DHX9: variants seen among roughly 807,000 people sequenced by gnomAD.
The protein encoded by DHX9 is DExH-box helicase 9.
DHX9 carries 27 observed loss-of-function variants against 148.7 expected under a neutral mutation model. The observed-to-expected ratio is 0.18, with a 90% CI of 0.13 to 0.25. The LOEUF is 0.25. Ranked by LOEUF, DHX9 falls within the 10% of genes least tolerant of loss-of-function variation. DHX9 has a pLI of 1.00. For synonymous variants in DHX9, 529 were observed against 516.6 expected (o/e 1.02, Z -0.33); for missense variants, 796 against 1,559.6 (o/e 0.51, Z 8.25).
At chr1:182,866,374 C>T in intron 12 of DHX9, 70 bp from the exon 13 acceptor site, 1 of 1,521,876 alleles carries the variant, frequency 6.6e-7, no homozygotes, top group East Asian at 2.3e-5. Context: ...TACAATAATC[C>T]AAAAATGCTA....
intron 27 of DHX9, 88 bp downstream of exon 27, chr1:182,884,901 C>CT (rs1649255538): frequency 7.9e-7 from 1 of 1,270,080 alleles, no homozygotes; most frequent in Non-Finnish European, 1.1e-6. Context: ...GATAGAAGCC[C>CT]TATTACTTAA....
At chr1:182,840,440 C>T (rs932422574) in intron 1 of DHX9, among the ~76,000 whole-genome samples, 4 of 151,804 alleles carry the variant, frequency 2.6e-5, no homozygotes, top group African/African-American at 7.3e-5. Flanking sequence ...GCTGGGACTA[C>T]AGGCGCGCGC....
intron 1 of DHX9, among the ~76,000 whole-genome samples, chr1:182,842,175 C>T (rs912447075): frequency 2.0e-5 from 3 of 152,082 alleles, no homozygotes; most frequent in African/African-American, 7.2e-5. Flanking sequence ...ATCTGTGTGC[C>T]ATTGTTGTGA....
In DHX9 at chr1:182,887,322, A is replaced by G; in HGVS notation, c.3701A>G (p.Tyr1234Cys). The G allele has an allele frequency of 6.2e-7, 1 of 1,614,130 alleles. No homozygotes were observed. The highest frequency in any genetic ancestry group is 8.5e-7 in the Non-Finnish European group (1 of 1,180,004). ...GGFRGNSGGD[Y>C]RGPSGGYRGS... is the part of the protein sequence containing the mutation. ...TTTAGAGGCAACTCTGGAGGAGACT[A>G]CAGAGGGCCTAGTGGAGGCTACAGA... The change falls in exon 28 of 28, where the codon TAC becomes TGC. Residue 1234 changes from tyrosine (Y) to cysteine (C), a missense_variant. Transcript: ENST00000367549.
chr1:182,877,962 A>T (rs763931187), intron 19 of DHX9, 59 bp from the exon 20 acceptor site: 3 of 1,582,274 alleles, frequency 1.9e-6, no homozygotes, highest in African/African-American at 2.7e-5. Flanking sequence ...CTTAGTGGAT[A>T]TATAATAGTT....
At chr1:182,858,364 A>G in intron 8 of DHX9, 124 bp downstream of exon 8, 9 of 1,206,754 alleles carry the variant, frequency 7.5e-6, no homozygotes, top group South Asian at 1.5e-5. Flanking sequence ...TGGCCCTGCT[A>G]ATCATCTCTG....
chr1:182,866,993 C>T lies in DHX9; in HGVS notation c.1507C>T (p.Arg503Ter), dbSNP rs1648322364. 4 of 1,605,330 alleles carry T rather than the reference C, an allele frequency of 2.5e-6. No individual in the cohort carries two copies. Among genetic ancestry groups the T allele is most frequent in the African/African-American group, 1.3e-5 (1 of 74,426 alleles). Reference sequence around the variant, plus strand: ...CCTGAGAAAATTAGAAGCAGGCATTCGAGGAATCAGTCATGTAATTGTAGA... The same window carrying T: ...CCTGAGAAAATTAGAAGCAGGCATTTGAGGAATCAGTCATGTAATTGTAGA... Reference protein sequence around the residue: ...VLLRKLEAGIRGISHVIVDEI... With the variant: ...VLLRKLEAGI The change falls in exon 14 of 28, where the codon CGA (arginine) becomes TGA (stop). Residue 503 changes from arginine (R) to a stop codon, truncating the protein, a stop_gained. Transcript: ENST00000367549. LOFTEE classifies it high-confidence loss of function.
intron 3 of DHX9, among the ~76,000 whole-genome samples, chr1:182,845,248 G>A (rs575826997): frequency 3.3e-5 from 5 of 152,214 alleles, no homozygotes; most frequent in African/African-American, 1.2e-4. Context: ...TTACATGTTT[G>A]AAGTCTCCCT....
intron 1 of DHX9, among the ~76,000 whole-genome samples, chr1:182,841,008 G>T (rs745559534): frequency 6.6e-6 from 1 of 151,988 alleles, no homozygotes; most frequent in Non-Finnish European, 1.5e-5. Flanking sequence ...AAAGAGAAAC[G>T]ACGGGCGGGC....
chr1:182,880,391 C>A, intron 21 of DHX9, 106 bp from the exon 22 acceptor site: 1 of 652,928 alleles, frequency 1.5e-6, no homozygotes, highest in Non-Finnish European at 2.6e-6. Flanking sequence ...ATTGGCTTGA[C>A]AAAAGAGGAA....
At chr1:182,868,519 C>CTTTTTTT (rs1557974014) in intron 14 of DHX9, among the ~76,000 whole-genome samples, 2 of 118,720 alleles carry the variant, frequency 1.7e-5, no homozygotes, top group Admixed American at 7.7e-5. Context: ...TATTTTAATT[C>CTTTTTTT]CTTTTTTTTT....
intron 1 of DHX9, among the ~76,000 whole-genome samples, chr1:182,840,771 G>T (rs1053001411): frequency 2.0e-5 from 3 of 152,132 alleles, no homozygotes. Context: ...CACATTAAGG[G>T]TTCTACAAGG....
At chr1:182,852,436 G>A in intron 4 of DHX9, 92 bp downstream of exon 4, 1 of 818,560 alleles carries the variant, frequency 1.2e-6, no homozygotes. Flanking sequence ...AGAAAGAACT[G>A]CAGTAAACTC....
At position 182,883,616 on chromosome 1, in the gene DHX9, A is replaced by T; in HGVS notation, c.3241A>T (p.Ile1081Phe). 1 of 1,613,462 alleles carries T rather than the reference A, an allele frequency of 6.2e-7. No individual in the cohort carries two copies. Among genetic ancestry groups the T allele is most frequent in the South Asian group, 1.1e-5 (1 of 91,046 alleles). The part of the protein sequence containing the change: ...ASKKVQSDGQ[I>F]VLVDDWIKLQ... Reference sequence around the variant, plus strand: ...CAAGAAAGTCCAATCTGATGGGCAGATTGTGCTTGTAGATGACTGGTATGG... The same window carrying T: ...CAAGAAAGTCCAATCTGATGGGCAGTTTGTGCTTGTAGATGACTGGTATGG... Residue 1081 changes from isoleucine (I) to phenylalanine (F), a missense_variant, in exon 26 of 28, where the codon ATT becomes TTT. Ile to Phe is a conservative substitution (Grantham distance 21). This residue lies in a region of DHX9 where 86 missense variants were observed against 156.3 expected (regional missense o/e 0.55). Coordinates refer to ENST00000367549, the MANE Select transcript of DHX9 (RefSeq NM_001357.5).
chr1:182,866,314 T>G (rs1001008043), intron 12 of DHX9, 130 bp from the exon 13 acceptor site: 38 of 915,110 alleles, frequency 4.2e-5, no homozygotes, highest in Non-Finnish European at 5.8e-5. Flanking sequence ...GTATTTTTTG[T>G]ACATTTATTG....
chr1:182,854,227 G>T (rs768895631), intron 6 of DHX9, 49 bp downstream of exon 6: 559 of 1,514,858 alleles, frequency 3.7e-4, no homozygotes, highest in Non-Finnish European at 4.5e-4. Context: ...AGGTGGTTTT[G>T]GATATTCACT....
intron 14 of DHX9, among the ~76,000 whole-genome samples, chr1:182,871,829 G>T (rs1434427333): frequency 6.6e-6 from 1 of 152,212 alleles, no homozygotes; most frequent in Non-Finnish European, 1.5e-5. Flanking sequence ...GAGGCGGGTG[G>T]ATCACTTGAG....
In DHX9 at chr1:182,866,875, G is replaced by T. The variant is rs1459157775; in HGVS notation, c.1475-86G>T. The T allele has an allele frequency of 2.1e-5, 21 of 992,442 alleles. No individual in the cohort carries two copies. In the African/African-American group the frequency reaches 2.5e-4, roughly 12 times the overall value. The allele number at this position is 992,442 out of a possible 1,614,324, so 61.5% of individuals were successfully genotyped here. On this transcript the variant is annotated intron_variant, in intron 13 of 27. Coordinates refer to ENST00000367549, the MANE Select transcript of DHX9 (RefSeq NM_001357.5). Reference sequence around the variant, plus strand: ...TGATTATTTTCTAAAATGATGCTGGGGTCTCTTAGTTGAAATATAGATAAT... The same window carrying T: ...TGATTATTTTCTAAAATGATGCTGGTGTCTCTTAGTTGAAATATAGATAAT...
At chr1:182,859,936 C>A in intron 11 of DHX9, 57 bp from the exon 12 acceptor site, 1 of 1,531,372 alleles carries the variant, frequency 6.5e-7, no homozygotes, top group Non-Finnish European at 8.9e-7. Flanking sequence ...AGGATCAAGA[C>A]AGTTGCTTCT....
Sources: allele counts gnomAD v4.1 joint callset (sites outside exome capture counted in the v4.1 genomes callset), GRCh38; gene constraint gnomAD v4.1.1; regional missense constraint gnomAD v4.1.1; transcripts MANE v1.5; gene names NCBI Gene and HGNC (gene_info 2026-07-23, HGNC 2026-07-21).